TACO1: variants seen among roughly 807,000 people sequenced by gnomAD.
TACO1 encodes translational activator of cytochrome c oxidase I.
Under a neutral mutation model 24.0 loss-of-function variants are expected in TACO1, and 13 were observed. The ratio of observed to expected loss-of-function variants is 0.54; its 90% CI spans 0.35 to 0.86. The LOEUF is 0.86. Among genes scored for constraint, TACO1 ranks in the 40% least tolerant of loss-of-function variants. TACO1 has a pLI of 0.01. For missense variants in TACO1, 352 were observed against 380.1 expected, an observed-to-expected ratio of 0.93 and a Z score of 0.61; for synonymous variants, 149 against 153.5, an observed-to-expected ratio of 0.97 and a Z score of 0.22.
chr17:63,604,494 T>G lies in TACO1; in HGVS notation c.281-40T>G, dbSNP rs746659846. 1.9e-6 allele frequency: 3 copies of G among 1,548,372 alleles called. No individual in the cohort carries two copies. In the South Asian group the frequency reaches 3.3e-5, roughly 17 times the overall value. ...TATTCTCCCATGTTGTAATGAGATG[T>G]CTTTGCTCACTCTTTTTTTTCTTTT... On this transcript the variant is annotated intron_variant, in intron 1 of 4. Transcript: ENST00000258975.
chr17:63,608,125 G>A lies in TACO1; in HGVS notation c.*123G>A. ...AGGCTCAGCAGGCCAGGAGGCCCAA[G>A]GACAGGACTTGCGACCTTGAAGCCA... On this transcript the variant is annotated 3_prime_UTR_variant, in exon 5 of 5. Coordinates refer to ENST00000258975, the MANE Select transcript of TACO1 (RefSeq NM_016360.4). 1 of 1,106,908 alleles carries A rather than the reference G, an allele frequency of 9.0e-7. No homozygotes were observed. The allele number at this position is 1,106,908 out of a possible 1,614,324, so 68.6% of individuals were successfully genotyped here.
chr17:63,607,349 T>C lies in TACO1; in HGVS notation c.578T>C (p.Val193Ala), dbSNP rs2033870486. Residue 193 changes from valine (V) to alanine (A), a missense_variant, in exon 4 of 5, where the codon GTG becomes GCG. Coordinates refer to ENST00000258975, the MANE Select transcript of TACO1 (RefSeq NM_016360.4). ...FDKKGVIVVEVEDREKKAVNL... is the reference protein window; with the variant it reads ...FDKKGVIVVEAEDREKKAVNL... ...AAAAAGGGGGTGATTGTGGTTGAAG[T>C]GGAGGACAGAGAGAAGAAGGCTGTG... 1 of 1,613,920 alleles carries C rather than the reference T, an allele frequency of 6.2e-7. No homozygotes were observed. The highest frequency in any genetic ancestry group is 1.1e-5 in the South Asian group (1 of 91,070).
rs2033878062 is a variant in TACO1 at position 63,608,124 on chromosome 17, A to G, written c.*122A>G. On this transcript the variant is annotated 3_prime_UTR_variant, in exon 5 of 5. Transcript: ENST00000258975. ...GAGGCTCAGCAGGCCAGGAGGCCCAAGGACAGGACTTGCGACCTTGAAGCC... is the reference window on the plus strand; with the variant it reads ...GAGGCTCAGCAGGCCAGGAGGCCCAGGGACAGGACTTGCGACCTTGAAGCC... 4 of 1,112,756 alleles carry G rather than the reference A, an allele frequency of 3.6e-6. No individual in the cohort carries two copies. Among genetic ancestry groups the G allele is most frequent in the South Asian group, 1.3e-5 (1 of 76,000 alleles). The allele number at this position is 1,112,756 out of a possible 1,614,324, so 68.9% of individuals were successfully genotyped here.
intron 2 of TACO1, 37 bp downstream of exon 2, chr17:63,604,677 C>T (rs2033849553): frequency 1.3e-6 from 2 of 1,573,190 alleles, no homozygotes. Context: ...TTGATCACAG[C>T]CTCTACCGGG....
At chr17:63,606,666 C>A (rs2033864773) in intron 3 of TACO1, 6 of 547,602 alleles carry the variant, frequency 1.1e-5, no homozygotes, top group Non-Finnish European at 6.5e-6. Flanking sequence ...CTGCCTCAGC[C>A]TCCTGAGTAG....
At chr17:63,605,355 G>T (rs1344263954) in intron 2 of TACO1, among the ~76,000 whole-genome samples, 1 of 152,136 alleles carries the variant, frequency 6.6e-6, no homozygotes, top group African/African-American at 2.4e-5. Context: ...CAGGTATATA[G>T]AGTCCACGTA....
In TACO1 at chr17:63,608,240, G is replaced by T. The variant is rs148429841; in HGVS notation, c.*238G>T. 3 of 574,448 alleles carry T rather than the reference G, an allele frequency of 5.2e-6. No homozygotes were observed. The highest frequency in any genetic ancestry group is 3.7e-5 in the African/African-American group (2 of 53,772). 35.6% of individuals were successfully genotyped at this position (574,448 alleles called of 1,614,324 possible). Reference sequence around the variant, plus strand: ...TGTCCCGACACCCTCTCGGATGCAGGGCAGGACCACCCAGCTGGTCAGACT... The same window carrying T: ...TGTCCCGACACCCTCTCGGATGCAGTGCAGGACCACCCAGCTGGTCAGACT... On this transcript the variant is annotated 3_prime_UTR_variant, in exon 5 of 5. Transcript: ENST00000258975.
rs756102037 is a variant in TACO1, at chr17:63,607,316, CTT to C, written c.548_549del (p.Phe183Ter). The C allele has an allele frequency of 2.5e-6, 4 of 1,614,054 alleles. No individual in the cohort carries two copies. The highest frequency in any genetic ancestry group is 1.1e-5 in the South Asian group (1 of 91,080). Reference sequence around the variant, plus strand: ...GTGATGGCTGTAGGAGCTCGTCACTCTTTTGACAAAAAGGGGGTGATTGTGGT... The same window carrying C: ...GTGATGGCTGTAGGAGCTCGTCACTCTTGACAAAAAGGGGGTGATTGTGGT... On this transcript the variant is annotated frameshift_variant, in exon 4 of 5. Coordinates refer to ENST00000258975, the MANE Select transcript of TACO1 (RefSeq NM_016360.4). LOFTEE classifies it high-confidence loss of function.
chr17:63,607,549 A>T, intron 4 of TACO1, 85 bp downstream of exon 4: 2 of 1,432,114 alleles, frequency 1.4e-6, no homozygotes, highest in Non-Finnish European at 2.0e-6. Flanking sequence ...TTCTTCCTTC[A>T]TGTGCCCCAG....
At chr17:63,606,798 C>T in intron 3 of TACO1, 1 of 367,594 alleles carries the variant, frequency 2.7e-6, no homozygotes, top group Admixed American at 4.1e-5. Flanking sequence ...ATCCACCTGC[C>T]TCAGCCTCCC....
chr17:63,607,339 G>T lies in TACO1; in HGVS notation c.568G>T (p.Val190Leu). The T allele has an allele frequency of 6.2e-7, 1 of 1,614,212 alleles. No homozygotes were observed. The highest frequency in any genetic ancestry group is 8.5e-7 in the Non-Finnish European group (1 of 1,180,026). ...RHSFDKKGVIVVEVEDREKKA... is the reference protein window; with the variant it reads ...RHSFDKKGVILVEVEDREKKA... ...CTCTTTTGACAAAAAGGGGGTGATT[G>T]TGGTTGAAGTGGAGGACAGAGAGAA... Residue 190 changes from valine (V) to leucine (L), a missense_variant, in exon 4 of 5, where the codon GTG becomes TTG. By Grantham distance (32) the Val-to-Leu change is conservative (BLOSUM62 1). Coordinates refer to ENST00000258975, the MANE Select transcript of TACO1 (RefSeq NM_016360.4).
intron 1 of TACO1, among the ~76,000 whole-genome samples, chr17:63,603,506 G>T (rs1490920138): frequency 2.0e-5 from 3 of 152,060 alleles, no homozygotes; most frequent in African/African-American, 7.2e-5. Flanking sequence ...AGGAGTTCGA[G>T]ACCAACCTGG....
intron 2 of TACO1, among the ~76,000 whole-genome samples, chr17:63,606,021 T>G (rs1247808452): frequency 2.0e-5 from 3 of 151,866 alleles, no homozygotes; most frequent in African/African-American, 7.3e-5. Flanking sequence ...CTGAGTGGGA[T>G]TGGGTAGGGA....
intron 1 of TACO1, 65 bp from the exon 2 acceptor site, chr17:63,604,469 T>A: frequency 7.1e-7 from 1 of 1,417,246 alleles, no homozygotes; most frequent in Non-Finnish European, 1.0e-6. Flanking sequence ...AAATCCCTTT[T>A]ATTCTCCCAT....
chr17:63,606,880 T>C (rs1008620312), intron 3 of TACO1: 1 of 361,086 alleles, frequency 2.8e-6, no homozygotes, highest in African/African-American at 2.1e-5. Flanking sequence ...CAGAATCTAA[T>C]GAGTTAATTG....
chr17:63,608,114 A>G lies in TACO1; in HGVS notation c.*112A>G, dbSNP rs1290143793. 4.2e-6 allele frequency: 5 copies of G among 1,198,456 alleles called. No individual in the cohort carries two copies. Among genetic ancestry groups the G allele is most frequent in the African/African-American group, 1.5e-5 (1 of 66,608 alleles). 74.2% of individuals were successfully genotyped at this position (1,198,456 alleles called of 1,614,324 possible). On this transcript the variant is annotated 3_prime_UTR_variant, in exon 5 of 5. Coordinates refer to ENST00000258975, the MANE Select transcript of TACO1 (RefSeq NM_016360.4). ...AAGCCGGTGGGAGGCTCAGCAGGCCAGGAGGCCCAAGGACAGGACTTGCGA... is the reference window on the plus strand; with the variant it reads ...AAGCCGGTGGGAGGCTCAGCAGGCCGGGAGGCCCAAGGACAGGACTTGCGA...
In TACO1 at chr17:63,608,148, C is replaced by T; in HGVS notation, c.*146C>T. On this transcript the variant is annotated 3_prime_UTR_variant, in exon 5 of 5. Coordinates refer to ENST00000258975, the MANE Select transcript of TACO1 (RefSeq NM_016360.4). Reference sequence around the variant, plus strand: ...AAGGACAGGACTTGCGACCTTGAAGCCAAAGGAATCTCACTTGTGGGGCCT... The same window carrying T: ...AAGGACAGGACTTGCGACCTTGAAGTCAAAGGAATCTCACTTGTGGGGCCT... 1.2e-6 allele frequency: 1 copy of T among 842,668 alleles called. No individual in the cohort carries two copies. Among genetic ancestry groups the T allele is most frequent in the Non-Finnish European group, 1.9e-6 (1 of 517,416 alleles). 52.2% of individuals were successfully genotyped at this position (842,668 alleles called of 1,614,324 possible).
chr17:63,604,393 T>C (rs2033846628), intron 1 of TACO1, 141 bp from the exon 2 acceptor site: 2 of 741,372 alleles, frequency 2.7e-6, no homozygotes, highest in Non-Finnish European at 4.8e-6. Flanking sequence ...AAACACTAGT[T>C]AAGGTATTCT....
Position 63,604,572 on chromosome 17 carries a change from A to T in TACO1, c.319A>T (p.Asn107Tyr), listed in dbSNP as rs779525513. The T allele has an allele frequency of 6.2e-7, 1 of 1,614,076 alleles. No individual in the cohort carries two copies. Among genetic ancestry groups the T allele is most frequent in the South Asian group, 1.1e-5 (1 of 91,076 alleles). Residue 107 changes from asparagine (N) to tyrosine (Y), a missense_variant, in exon 2 of 5, where the codon AAT becomes TAT. Transcript: ENST00000258975. Reference sequence around the variant, plus strand: ...CCCTGAGCACAACAGCAACCTGGCCAATATCTTAGAGGTGTGTCGCAGCAA... The same window carrying T: ...CCCTGAGCACAACAGCAACCTGGCCTATATCTTAGAGGTGTGTCGCAGCAA... ...PNPEHNSNLA[N>Y]ILEVCRSKHM...
Sources: allele counts gnomAD v4.1 joint callset (sites outside exome capture counted in the v4.1 genomes callset), GRCh38; gene constraint gnomAD v4.1.1; transcripts MANE v1.5; gene names NCBI Gene and HGNC (gene_info 2026-07-23, HGNC 2026-07-21).